The following WDR31 variants were observed in gnomAD, a reference collection of about 807,000 sequenced individuals.
WDR31 encodes the protein WD repeat-containing protein 31.
In WDR31, 30 loss-of-function variants were observed where a neutral mutation model predicts 47.3. The observed-to-expected ratio is 0.63, with a 90% confidence interval of 0.47 to 0.86. WDR31 has a LOEUF of 0.86. WDR31 is among the 40% of genes least tolerant of loss of function. The probability of loss-of-function intolerance (pLI) is 0.00; values close to 1 mark genes in which losing one functional copy is unlikely to be tolerated. For synonymous variants in WDR31, 137 were observed against 159.4 expected, an observed-to-expected ratio of 0.86 and a Z score of 1.06; for missense variants, 406 against 442.9, an observed-to-expected ratio of 0.92 and a Z score of 0.75.
At chr9:113,327,769 T>G (rs985455510) in intron 5 of WDR31, among the ~76,000 whole-genome samples, 3 of 152,078 alleles carry the variant, frequency 2.0e-5, no homozygotes, top group South Asian at 2.1e-4. Flanking sequence ...CTGGCCAACA[T>G]AGCAAAACCC....
intron 1 of WDR31, among the ~76,000 whole-genome samples, chr9:113,338,613 C>T (rs1177117010): frequency 1.4e-5 from 2 of 141,938 alleles, no homozygotes; most frequent in African/African-American, 2.5e-5. Flanking sequence ...CTTGGTGGTA[C>T]GCTATTTTTT....
At chr9:113,324,689 C>T (rs2118804850) in intron 5 of WDR31, among the ~76,000 whole-genome samples, 1 of 152,206 alleles carries the variant, frequency 6.6e-6, no homozygotes, top group Non-Finnish European at 1.5e-5. Flanking sequence ...TGTGCTTGGC[C>T]TATTTCATTC....
intron 2 of WDR31, among the ~76,000 whole-genome samples, chr9:113,333,370 ATTTTTT>A (rs60772699): frequency 9.7e-6 from 1 of 102,930 alleles, no homozygotes; most frequent in Non-Finnish European, 2.1e-5. Flanking sequence ...TGGTTGTTGG[ATTTTTT>A]TTTTTTTTTT....
At chr9:113,331,557 C>G (rs35772163) in intron 3 of WDR31, among the ~76,000 whole-genome samples, 10,103 of 152,312 alleles carry the variant, frequency 0.066, 705 homozygotes, top group East Asian at 0.34. Context: ...AGCAATCCTC[C>G]CACCTCAGCC....
chr9:113,338,444 C>A (rs925481109), intron 1 of WDR31, among the ~76,000 whole-genome samples: 3 of 152,178 alleles, frequency 2.0e-5, no homozygotes, highest in Non-Finnish European at 4.4e-5. Flanking sequence ...ACTAAGTTAT[C>A]TTCCACTATT....
intron 7 of WDR31, 114 bp downstream of exon 7, chr9:113,322,697 T>C (rs771379261): frequency 1.5e-5 from 15 of 1,020,970 alleles, no homozygotes; most frequent in Admixed American, 2.4e-5. Context: ...GGGACAGCAA[T>C]TGGGACCCAG....
chr9:113,332,599 C>A (rs1833623667), intron 2 of WDR31, among the ~76,000 whole-genome samples: 1 of 152,140 alleles, frequency 6.6e-6, no homozygotes, highest in Non-Finnish European at 1.5e-5. Flanking sequence ...GTTGGCAAAT[C>A]TATAGAGACA....
chr9:113,328,789 G>T, intron 5 of WDR31, 92 bp downstream of exon 5: 1 of 1,135,028 alleles, frequency 8.8e-7, no homozygotes, highest in Non-Finnish European at 1.3e-6. Context: ...TTTTCCTTAA[G>T]ACCAAAGATT....
intron 1 of WDR31, among the ~76,000 whole-genome samples, chr9:113,337,375 A>AAAAATCC (rs1293420696): frequency 2.5e-4 from 38 of 152,334 alleles, no homozygotes; most frequent in Admixed American, 1.0e-3. Flanking sequence ...CATCTAATCC[A>AAAAATCC]AAAATCCAAA....
intron 1 of WDR31, among the ~76,000 whole-genome samples, chr9:113,338,467 A>G (rs938225120): frequency 2.8e-4 from 43 of 152,266 alleles, no homozygotes; most frequent in African/African-American, 8.2e-4. Flanking sequence ...TATTAGGAAC[A>G]TGTAATATAC....
At chr9:113,334,191 A>G (rs144660364) in intron 2 of WDR31, among the ~76,000 whole-genome samples, 3 of 152,040 alleles carry the variant, frequency 2.0e-5, no homozygotes, top group African/African-American at 7.2e-5. Flanking sequence ...TTTTTTGTAG[A>G]GACGGGGTTT....
chr9:113,331,032 G>A lies in WDR31; in HGVS notation c.201C>T (p.Val67=), dbSNP rs372046924. The A allele has an allele frequency of 2.0e-5, 33 of 1,612,298 alleles. No homozygotes were observed. The highest frequency in any genetic ancestry group is 2.6e-5 in the Non-Finnish European group (31 of 1,178,754). ...YSPAHMDTVS[V]VAALNSDLCV... The stretch of plus-strand genomic sequence containing the variant: ...AAAGGTCTGAGTTCAAAGCAGCCAC[G>A]ACAGAGACGGTATCCATGTGAGCTG... The change falls in exon 4 of 11, where the codon GTC becomes GTT. Residue 67 remains valine (V), a synonymous_variant. Transcript: ENST00000374193.
chr9:113,339,769 C>A (rs1259946204), intron 1 of WDR31, among the ~76,000 whole-genome samples: 1 of 152,204 alleles, frequency 6.6e-6, no homozygotes, highest in Admixed American at 6.5e-5. Flanking sequence ...AGTCTCGAGT[C>A]TCGCTCTGTC....
intron 8 of WDR31, 137 bp from the exon 9 acceptor site, chr9:113,320,635 C>T (rs571924122): frequency 7.0e-5 from 78 of 1,114,602 alleles, no homozygotes; most frequent in Middle Eastern, 2.1e-4. Context: ...TACCTAAAAA[C>T]GGCAGCATGA....
At position 113,333,683 on chromosome 9, in the gene WDR31, A is replaced by ATTT. The variant is rs554084096; in HGVS notation, c.-28-1636_-28-1634dup. The stretch of plus-strand genomic sequence containing the variant: ...GGCGTGAGCCACCGCGCCCGGCCGG[A>ATTT]TTTTTTTTTTTTTAATAATTTCACT... On this transcript the variant is annotated intron_variant, in intron 2 of 10. Transcript: ENST00000374193. Among the ~76,000 whole-genome samples the ATTT allele has an allele frequency of 6.0e-3, 875 of 145,460 alleles. 9 individuals are homozygous for ATTT. Among genetic ancestry groups the ATTT allele is most frequent in the African/African-American group, 0.021 (831 of 39,922 alleles).
intron 10 of WDR31, 62 bp downstream of exon 10, chr9:113,318,413 T>C: frequency 6.3e-7 from 1 of 1,594,482 alleles, no homozygotes; most frequent in Non-Finnish European, 8.6e-7. Flanking sequence ...GAAGAAGGAG[T>C]TTTAAAGAAG....
intron 5 of WDR31, among the ~76,000 whole-genome samples, chr9:113,324,123 G>T (rs1833395720): frequency 6.6e-6 from 1 of 151,780 alleles, no homozygotes; most frequent in Admixed American, 6.6e-5. Context: ...ATTCATTGTT[G>T]TGTAACCATC....
intron 5 of WDR31, among the ~76,000 whole-genome samples, chr9:113,326,382 CTT>C (rs907461451): frequency 3.3e-5 from 5 of 151,588 alleles, no homozygotes; most frequent in African/African-American, 7.3e-5. Context: ...CTTTCTTTCT[CTT>C]TCTTTTCTTT....
At chr9:113,324,389 CTTTTT>C (rs536508042) in intron 5 of WDR31, among the ~76,000 whole-genome samples, 2 of 129,120 alleles carry the variant, frequency 1.5e-5, no homozygotes, top group Admixed American at 7.9e-5. Context: ...AATTTCATTC[CTTTTT>C]TTTTTTTTTT....
Sources: gnomAD v4.1 joint callset for allele counts (sites outside exome capture counted in the v4.1 genomes callset) on GRCh38, gnomAD v4.1.1 for gene constraint, MANE v1.5 for transcripts, NCBI Gene and HGNC (gene_info 2026-07-23, HGNC 2026-07-21) for gene names.